Variants in COL6A1 observed in about 807,000 individuals in gnomAD.
The protein encoded by COL6A1 is collagen type VI alpha 1 chain, also known as collagen alpha-1(VI) chain.
Under a neutral mutation model 145.6 loss-of-function variants are expected in COL6A1, and 80 were observed. The ratio of observed to expected loss-of-function variants is 0.55; its 90% CI spans 0.46 to 0.66. COL6A1 has a LOEUF of 0.66. Among genes scored for constraint, COL6A1 ranks in the 30% least tolerant of loss-of-function variants. COL6A1 has a pLI of 0.00. For synonymous variants in COL6A1, 638 were observed against 622.8 expected (o/e 1.02, Z -0.36); for missense variants, 1,364 against 1,473.8 (o/e 0.93, Z 1.22).
intron 28 of COL6A1, 101 bp from the exon 29 acceptor site, chr21:46,000,658 C>T: frequency 2.9e-5 from 1 of 34,166 alleles, no homozygotes; most frequent in Non-Finnish European, 4.2e-5. Context: ...GGAAGGAGGG[C>T]GGCCGGGGAG....
At chr21:45,985,395 G>C (rs1197519444) in intron 3 of COL6A1, among the ~76,000 whole-genome samples, 2 of 151,956 alleles carry the variant, frequency 1.3e-5, no homozygotes, top group African/African-American at 4.8e-5. Flanking sequence ...CAGACAGAGA[G>C]ACAGGGACAG....
chr21:45,992,621 G>A (rs558693765), intron 18 of COL6A1, 127 bp from the exon 19 acceptor site: 145 of 1,059,596 alleles, frequency 1.4e-4, no homozygotes, highest in East Asian at 3.9e-4. Flanking sequence ...TGGGGCATGC[G>A]GTGGAGGGGT....
rs146034711 is a variant in COL6A1, at chr21:45,997,211, C to T, written c.1399-210C>T. Among the ~76,000 whole-genome samples the T allele has an allele frequency of 5.0e-3, 753 of 151,842 alleles. 8 individuals are homozygous for T. The highest frequency in any genetic ancestry group is 0.017 in the African/African-American group (719 of 41,436). On this transcript the variant is annotated intron_variant, in intron 20 of 34. Transcript: ENST00000361866. ...CCTGAGGCACCAGCTGGGCGCCCAC[C>T]GAAGGGCTTCAACACTTGTGCCCAG...
At chr21:46,000,070 GA>G (rs2077834468) in intron 27 of COL6A1, among the ~76,000 whole-genome samples, 1 of 149,324 alleles carries the variant, frequency 6.7e-6, no homozygotes, top group African/African-American at 2.5e-5. Context: ...ATCATGGGGG[GA>G]CCTGTACCCA....
intron 33 of COL6A1, among the ~76,000 whole-genome samples, 155 bp from the exon 34 acceptor site, chr21:46,002,965 G>A (rs926802757): frequency 1.1e-4 from 16 of 152,320 alleles, no homozygotes; most frequent in East Asian, 3.9e-4. Context: ...GCACGGGGCC[G>A]CCTGGGGCTG....
intron 4 of COL6A1, 53 bp downstream of exon 4, chr21:45,986,738 G>A (rs2123466265): frequency 6.5e-7 from 1 of 1,534,332 alleles, no homozygotes; most frequent in East Asian, 2.4e-5. Flanking sequence ...AGTGGCGGCT[G>A]CAAGGCCCCC....
intron 8 of COL6A1, among the ~76,000 whole-genome samples, chr21:45,988,820 G>A (rs902619933): frequency 2.6e-5 from 4 of 152,124 alleles, no homozygotes; most frequent in Non-Finnish European, 5.9e-5. Flanking sequence ...TGTGACCCTG[G>A]GGGGCTTCTG....
At chr21:45,984,522 C>A in intron 3 of COL6A1, 53 bp downstream of exon 3, 1 of 1,577,434 alleles carries the variant, frequency 6.3e-7, no homozygotes, top group Non-Finnish European at 8.6e-7. Flanking sequence ...TGGTACCCAG[C>A]CTGGGCTGGG....
intron 13 of COL6A1, 148 bp from the exon 14 acceptor site, chr21:45,990,625 G>A (rs1010737846): frequency 2.8e-5 from 22 of 785,854 alleles, no homozygotes; most frequent in Middle Eastern, 2.9e-4. Flanking sequence ...TGGGGTGGAC[G>A]GTGTGAAGGT....
At chr21:45,998,061 A>C (rs3737437) in intron 22 of COL6A1, 60 bp from the exon 23 acceptor site, 1 of 1,595,016 alleles carries the variant, frequency 6.3e-7, no homozygotes, top group Non-Finnish European at 8.5e-7. Context: ...GGCCTGTGCC[A>C]GCCAGTGGGT....
At chr21:45,985,610 G>T (rs1030669008) in intron 3 of COL6A1, among the ~76,000 whole-genome samples, 6 of 152,220 alleles carry the variant, frequency 3.9e-5, no homozygotes, top group Middle Eastern at 3.2e-3. Context: ...CGCAGGGGCC[G>T]CAAGCCCCGG....
chr21:45,982,395 C>G lies in COL6A1; in HGVS notation c.98-239C>G, dbSNP rs149338636. Among the ~76,000 whole-genome samples the G allele has an allele frequency of 2.9e-3, 439 of 152,262 alleles. 2 individuals are homozygous for G. Among genetic ancestry groups the G allele is most frequent in the Middle Eastern group, 0.01 (3 of 294 alleles). ...CCCGTGCCGGGGACGCCCTGCCCTT[C>G]GGGGGAGGTTGTGAAGGTTTCTGAC... On this transcript the variant is annotated intron_variant, in intron 1 of 34. Coordinates refer to ENST00000361866, the MANE Select transcript of COL6A1 (RefSeq NM_001848.3).
At position 46,000,758 on chromosome 21, in the gene COL6A1, G is replaced by T. The variant is rs2077839497; in HGVS notation, c.1814-1G>T. The T allele has an allele frequency of 6.2e-7, 1 of 1,613,842 alleles. No homozygotes were observed. Among genetic ancestry groups the T allele is most frequent in the East Asian group, 2.2e-5 (1 of 44,874 alleles). On this transcript the variant is annotated splice_acceptor_variant, in intron 28 of 34. Coordinates refer to ENST00000361866, the MANE Select transcript of COL6A1 (RefSeq NM_001848.3). LOFTEE classifies it high-confidence loss of function. ...TAACTGACTCTTTCTCTTCTCCTCA[G>T]CTTGCTGTGGTGAGACCCAGGCTCT...
intron 2 of COL6A1, among the ~76,000 whole-genome samples, chr21:45,983,448 G>A (rs1000326828): frequency 1.3e-4 from 20 of 152,254 alleles, no homozygotes; most frequent in Non-Finnish European, 2.2e-4. Flanking sequence ...CTGGCAGTGG[G>A]GACACAGCTT....
Position 45,999,660 on chromosome 21 carries a change from C to T in COL6A1, c.1744C>T (p.Pro582Ser). The part of the protein sequence containing the change: ...GYRGPEGPQG[P>S]PGHQGPPGPD... ...CTCTACTCCGTTTCTCGGACAGGGA[C>T]CCCCAGGACACCAAGGACCGCCTGG... Residue 582 changes from proline to serine, a missense_variant, in exon 27 of 35, where the codon CCC (proline) becomes TCC (serine). This residue lies in a region of COL6A1 where 938 missense variants were observed against 1,003.8 expected (regional missense o/e 0.93). Coordinates refer to ENST00000361866, the MANE Select transcript of COL6A1 (RefSeq NM_001848.3). The T allele has an allele frequency of 1.2e-6, 2 of 1,613,426 alleles. No individual in the cohort carries two copies. The highest frequency in any genetic ancestry group is 8.5e-7 in the Non-Finnish European group (1 of 1,179,882).
intron 19 of COL6A1, 126 bp downstream of exon 19, chr21:45,992,936 C>G (rs2077785228): frequency 2.5e-6 from 2 of 808,110 alleles, no homozygotes; most frequent in Non-Finnish European, 4.0e-6. Flanking sequence ...CGTGGCCAGC[C>G]CATCCCCACG....
At chr21:45,986,175 G>A (rs924882290) in intron 3 of COL6A1, among the ~76,000 whole-genome samples, 5 of 152,212 alleles carry the variant, frequency 3.3e-5, no homozygotes, top group African/African-American at 4.8e-5. Context: ...CAGCTTGTGG[G>A]TAGACGCGGC....
At chr21:45,996,696 G>A (rs568045533) in intron 20 of COL6A1, among the ~76,000 whole-genome samples, 213 of 152,346 alleles carry the variant, frequency 1.4e-3, no homozygotes, top group Admixed American at 2.9e-3. Flanking sequence ...GCTCAGCTGG[G>A]CGCGCTGGGA....
At chr21:45,995,190 G>A (rs1228138072) in intron 20 of COL6A1, among the ~76,000 whole-genome samples, 4 of 152,256 alleles carry the variant, frequency 2.6e-5, no homozygotes, top group Non-Finnish European at 5.9e-5. Flanking sequence ...TGGCAGGCGG[G>A]GTCTGGGCCG....
Sources: allele counts gnomAD v4.1 joint callset (sites outside exome capture counted in the v4.1 genomes callset), GRCh38; gene constraint gnomAD v4.1.1; regional missense constraint gnomAD v4.1.1; transcripts MANE v1.5; gene names NCBI Gene and HGNC (gene_info 2026-07-23, HGNC 2026-07-21).